Variants in STAM observed in about 807,000 individuals in gnomAD.
STAM encodes the protein signal transducing adapter molecule 1.
STAM carries 16 observed loss-of-function variants against 63.4 expected under a neutral mutation model. That is an observed-to-expected ratio of 0.25 (90% CI 0.17 to 0.38). STAM has a LOEUF of 0.38. Among genes scored for constraint, STAM ranks in the 10% least tolerant of loss-of-function variants. The pLI is 1.00. For synonymous variants in STAM, 238 were observed against 223.9 expected (o/e 1.06, Z -0.56); for missense variants, 636 against 657.1 (o/e 0.97, Z 0.35).
chr10:17,684,533 CA>C (rs1322726839), intron 2 of STAM, 141 bp from the exon 3 acceptor site: 2 of 550,090 alleles, frequency 3.6e-6, no homozygotes, highest in African/African-American at 3.9e-5. Flanking sequence ...TACAGTTTTT[CA>C]ACCGTGTTAT....
chr10:17,644,901 C>T (rs568196313), intron 1 of STAM, among the ~76,000 whole-genome samples: 1 of 152,166 alleles, frequency 6.6e-6, no homozygotes, highest in African/African-American at 2.4e-5. Context: ...ATGTTAGGAG[C>T]GATGAAGATG....
chr10:17,688,288 C>T, intron 5 of STAM, 115 bp downstream of exon 5: 4 of 1,062,784 alleles, frequency 3.8e-6, no homozygotes, highest in Non-Finnish European at 3.9e-6. Flanking sequence ...GAGGAATTTT[C>T]GTTAGCTAAT....
chr10:17,710,246 C>G (rs913704345), intron 13 of STAM, among the ~76,000 whole-genome samples: 2 of 152,078 alleles, frequency 1.3e-5, no homozygotes, highest in African/African-American at 4.8e-5. Context: ...TCTTCAAGGT[C>G]GGGGCCTTGG....
Position 17,716,756 on chromosome 10 carries a change from C to G in STAM, c.*1976C>G, listed in dbSNP as rs1836832454. Among the ~76,000 whole-genome samples the G allele has an allele frequency of 6.6e-6, 1 of 152,102 alleles. No individual in the cohort carries two copies. Among genetic ancestry groups the G allele is most frequent in the Non-Finnish European group, 1.5e-5 (1 of 68,024 alleles). ...TAGAAAAAACTACCCTTATTACAAC[C>G]CATATACATTTTTCTTTACCTTTTA... On this transcript the variant is annotated 3_prime_UTR_variant, in exon 14 of 14. Coordinates refer to ENST00000377524, the MANE Select transcript of STAM (RefSeq NM_003473.4).
chr10:17,700,262 C>G lies in STAM; in HGVS notation c.895C>G (p.Pro299Ala). 6.2e-7 allele frequency: 1 copy of G among 1,608,048 alleles called. No individual in the cohort carries two copies. Among genetic ancestry groups the G allele is most frequent in the Non-Finnish European group, 8.5e-7 (1 of 1,176,908 alleles). Residue 299 changes from proline to alanine, a missense_variant, in exon 9 of 14, where the codon CCA (proline) becomes GCA (alanine). By Grantham distance (27) the Pro-to-Ala change is conservative. Around this residue, in one of 3 missense-constraint regions of STAM, gnomAD observed 532 missense variants for 536.9 expected, o/e 0.99. Coordinates refer to ENST00000377524, the MANE Select transcript of STAM (RefSeq NM_003473.4). The stretch of plus-strand genomic sequence containing the variant: ...AGAGACAATAGAACCAGAGCCGGAA[C>G]CAGCCTTTATTGATGAAGTAAGTGG... ...QVETIEPEPEPAFIDEDKMDQ... is the reference protein window; with the variant it reads ...QVETIEPEPEAAFIDEDKMDQ...
At chr10:17,644,749 A>G (rs1349086704) in intron 1 of STAM, among the ~76,000 whole-genome samples, 1 of 152,216 alleles carries the variant, frequency 6.6e-6, no homozygotes, top group Non-Finnish European at 1.5e-5. Context: ...TAAACCCTGT[A>G]CCAAAAGTGC....
chr10:17,651,729 T>A (rs782532102), intron 1 of STAM, among the ~76,000 whole-genome samples: 2 of 152,234 alleles, frequency 1.3e-5, no homozygotes, highest in Non-Finnish European at 2.9e-5. Context: ...GGATATTAGA[T>A]GAAAGATTTT....
At chr10:17,695,326 A>C in intron 7 of STAM, 85 bp downstream of exon 7, 1 of 1,266,570 alleles carries the variant, frequency 7.9e-7, no homozygotes. Context: ...TGCAGTTACC[A>C]AATACAATAA....
Position 17,704,468 on chromosome 10 carries a change from C to T in STAM, c.950C>T (p.Thr317Ile). 3 of 1,614,094 alleles carry T rather than the reference C, an allele frequency of 1.9e-6. No individual in the cohort carries two copies. Among genetic ancestry groups the T allele is most frequent in the Non-Finnish European group, 2.5e-6 (3 of 1,179,982 alleles). ...CAGTTGCTACAGATGCTGCAAAGTACAGACCCCAGTGATGATCAGCCAGAC... is the reference window on the plus strand; with the variant it reads ...CAGTTGCTACAGATGCTGCAAAGTATAGACCCCAGTGATGATCAGCCAGAC... ...MDQLLQMLQS[T>I]DPSDDQPDLP... Residue 317 changes from threonine to isoleucine, a missense_variant, in exon 10 of 14, where the codon ACA (threonine) becomes ATA (isoleucine). Physicochemically the swap from Thr to Ile is moderately conservative, Grantham distance 89. Around this residue, in one of 3 missense-constraint regions of STAM, gnomAD observed 532 missense variants for 536.9 expected, o/e 0.99. Transcript: ENST00000377524.
At chr10:17,710,278 A>C (rs1836498787) in intron 13 of STAM, among the ~76,000 whole-genome samples, 1 of 152,156 alleles carries the variant, frequency 6.6e-6, no homozygotes, top group African/African-American at 2.4e-5. Context: ...TGTGAATGAG[A>C]TAACCTGTTG....
At chr10:17,710,686 A>G (rs1836516290) in intron 13 of STAM, among the ~76,000 whole-genome samples, 1 of 152,166 alleles carries the variant, frequency 6.6e-6, no homozygotes. Context: ...TGAAGACAGT[A>G]TCTTGAGAGC....
intron 2 of STAM, among the ~76,000 whole-genome samples, chr10:17,681,831 G>C (rs1022329980): frequency 6.6e-6 from 1 of 152,184 alleles, no homozygotes; most frequent in Admixed American, 6.5e-5. Context: ...GGTTTGCTGT[G>C]AATGTTTTGA....
chr10:17,644,531 G>A, intron 1 of STAM, 152 bp downstream of exon 1: 2 of 922,304 alleles, frequency 2.2e-6, no homozygotes, highest in South Asian at 1.4e-5. Context: ...CTGGGAGGAG[G>A]TTGAGGGCTT....
At chr10:17,656,763 A>G (rs7089066) in intron 1 of STAM, among the ~76,000 whole-genome samples, 24 of 152,322 alleles carry the variant, frequency 1.6e-4, no homozygotes, top group African/African-American at 4.6e-4. Flanking sequence ...GAATTCATCT[A>G]AGGGGCGTAA....
chr10:17,651,156 A>G (rs1047094347), intron 1 of STAM, among the ~76,000 whole-genome samples: 4 of 149,552 alleles, frequency 2.7e-5, no homozygotes, highest in African/African-American at 9.8e-5. Context: ...AAGGCCTCTT[A>G]TATTTGGCTT....
At chr10:17,703,331 GT>G (rs35796286) in intron 9 of STAM, among the ~76,000 whole-genome samples, 1,463 of 140,020 alleles carry the variant, frequency 0.01, 13 homozygotes, top group African/African-American at 0.03. Context: ...CTTGGGAAGA[GT>G]TTTTTTTTTT....
chr10:17,715,769 C>T lies in STAM; in HGVS notation c.*989C>T, dbSNP rs936590023. The stretch of plus-strand genomic sequence containing the variant: ...GAAAACCTGAATTACACTACATTTT[C>T]GAAGTCTCTTGTAATTATTTGGGAT... On this transcript the variant is annotated 3_prime_UTR_variant, in exon 14 of 14. Coordinates refer to ENST00000377524, the MANE Select transcript of STAM (RefSeq NM_003473.4). 2.0e-5 allele frequency: 3 copies of T among 152,552 alleles called. No homozygotes were observed. The highest frequency in any genetic ancestry group is 4.4e-5 in the Non-Finnish European group (3 of 68,002). The allele number at this position is 152,552 out of a possible 1,614,324, so 9.4% of individuals were successfully genotyped here.
intron 5 of STAM, among the ~76,000 whole-genome samples, chr10:17,692,156 G>A (rs564607874): frequency 1.8e-4 from 27 of 152,154 alleles, no homozygotes; most frequent in Non-Finnish European, 1.3e-4. Flanking sequence ...AGGCTAATTT[G>A]CCCAGTGTCA....
chr10:17,672,818 G>T (rs73603869), intron 2 of STAM, among the ~76,000 whole-genome samples: 11,134 of 151,616 alleles, frequency 0.073, 1,359 homozygotes, highest in African/African-American at 0.25. Flanking sequence ...TTGTTCTTCT[G>T]TGACATCTTA....
Sources: allele counts gnomAD v4.1 joint callset (sites outside exome capture counted in the v4.1 genomes callset), GRCh38; gene constraint gnomAD v4.1.1; regional missense constraint gnomAD v4.1.1; transcripts MANE v1.5; gene names NCBI Gene and HGNC (gene_info 2026-07-23, HGNC 2026-07-21).